MYO3B: variants seen among roughly 807,000 people sequenced by gnomAD.
The protein encoded by MYO3B is myosin-IIIb.
MYO3B carries 156 observed loss-of-function variants against 174.6 expected under a neutral mutation model. That is an observed-to-expected ratio of 0.89 (90% confidence interval 0.78 to 1.02). The LOEUF is 1.02. MYO3B is among the 50% of genes least tolerant of loss of function. The pLI is 0.00. For synonymous variants in MYO3B, 563 were observed against 569.1 expected, an observed-to-expected ratio of 0.99 and a Z score of 0.15; for missense variants, 1,632 against 1,639.4, an observed-to-expected ratio of 1.00 and a Z score of 0.08.
At chr2:170,447,069 G>C (rs1194013899) in intron 23 of MYO3B, among the ~76,000 whole-genome samples, 1 of 152,164 alleles carries the variant, frequency 6.6e-6, no homozygotes, top group African/African-American at 2.4e-5. Flanking sequence ...GTCTTCAGGG[G>C]AGAAGGGAGG....
chr2:170,197,024 T>G (rs943074241), intron 1 of MYO3B, among the ~76,000 whole-genome samples: 11 of 151,894 alleles, frequency 7.2e-5, no homozygotes, highest in African/African-American at 2.4e-4. Context: ...TCAGGTTTTT[T>G]TTTTTTTTTA....
chr2:170,385,993 A>G, intron 12 of MYO3B, 196 bp from the exon 13 acceptor site: 1 of 474,764 alleles, frequency 2.1e-6, no homozygotes, highest in South Asian at 3.4e-5. Context: ...TAAACAGATT[A>G]TGGTACATAT....
At chr2:170,423,560 C>T (rs1460740537) in intron 22 of MYO3B, among the ~76,000 whole-genome samples, 13 of 149,014 alleles carry the variant, frequency 8.7e-5, no homozygotes, top group Admixed American at 3.4e-4. Context: ...TTATTGTTCC[C>T]GGATTTGCAG....
intron 32 of MYO3B, among the ~76,000 whole-genome samples, chr2:170,616,106 A>C (rs1575254282): frequency 1.3e-5 from 2 of 152,348 alleles, no homozygotes; most frequent in South Asian, 4.1e-4. Flanking sequence ...AACAATTGCA[A>C]CAAAAGCTGG....
chr2:170,346,005 T>G (rs1170579606), intron 8 of MYO3B, among the ~76,000 whole-genome samples: 1 of 152,010 alleles, frequency 6.6e-6, no homozygotes, highest in Non-Finnish European at 1.5e-5. Context: ...ACAACAAATG[T>G]CTGTTGTTTA....
Position 170,557,230 on chromosome 2 carries a change from C to T in MYO3B, c.3733+13242C>T, listed in dbSNP as rs183268570. 5.3e-3 allele frequency among the ~76,000 whole-genome samples: 807 copies of T among 151,560 alleles called. 7 individuals are homozygous for T. Among genetic ancestry groups the T allele is most frequent in the Non-Finnish European group, 7.8e-3 (529 of 67,940 alleles). ...TCTCGGCTCACTGCAAGCTCCGCCT[C>T]CTGGGTTCACGCCATTCTTCTGCCT... On this transcript the variant is annotated intron_variant, in intron 32 of 34. Transcript: ENST00000408978.
chr2:170,648,681 T>A (rs1163709922), intron 32 of MYO3B, among the ~76,000 whole-genome samples: 1 of 115,692 alleles, frequency 8.6e-6, no homozygotes, highest in Non-Finnish European at 1.7e-5. Flanking sequence ...ATATAATATA[T>A]ATTATATTCT....
At chr2:170,179,442 A>G (rs1228737846) in intron 1 of MYO3B, among the ~76,000 whole-genome samples, 1 of 152,180 alleles carries the variant, frequency 6.6e-6, no homozygotes, top group Non-Finnish European at 1.5e-5. Context: ...TTGAAATTTA[A>G]TTGCCATTGT....
At chr2:170,543,454 G>A (rs1045656203) in intron 31 of MYO3B, among the ~76,000 whole-genome samples, 1 of 152,160 alleles carries the variant, frequency 6.6e-6, no homozygotes, top group Non-Finnish European at 1.5e-5. Context: ...GTTTTTGCCA[G>A]TAACTCTGCT....
chr2:170,293,544 C>CT (rs2093609700), intron 7 of MYO3B, among the ~76,000 whole-genome samples: 1 of 152,164 alleles, frequency 6.6e-6, no homozygotes. Flanking sequence ...AACCTCTTCT[C>CT]TGTCTGCAAT....
chr2:170,380,975 G>A (rs1403467276), intron 9 of MYO3B, among the ~76,000 whole-genome samples: 1 of 152,152 alleles, frequency 6.6e-6, no homozygotes, highest in African/African-American at 2.4e-5. Context: ...TAAAAAATTA[G>A]CCAGGCACAA....
intron 7 of MYO3B, among the ~76,000 whole-genome samples, chr2:170,304,264 C>G (rs573852198): frequency 6.6e-6 from 1 of 151,938 alleles, no homozygotes; most frequent in Non-Finnish European, 1.5e-5. Context: ...TATGAAAACA[C>G]CATTTTCTTA....
Position 170,653,038 on chromosome 2 carries a change from G to A in MYO3B, c.3943G>A (p.Asp1315Asn). 1 of 1,614,166 alleles carries A rather than the reference G, an allele frequency of 6.2e-7. No homozygotes were observed. Among genetic ancestry groups the A allele is most frequent in the Non-Finnish European group, 8.5e-7 (1 of 1,179,992 alleles). Reference sequence around the variant, plus strand: ...ATATTACAAATCTCTGTCACCAGTGGACTGTATCCCTGAGGAGAACAACTC... The same window carrying A: ...ATATTACAAATCTCTGTCACCAGTGAACTGTATCCCTGAGGAGAACAACTC... The part of the protein sequence containing the change: ...DEYYKSLSPV[D>N]CIPEENNSAH... Residue 1315 changes from aspartate to asparagine, a missense_variant, in exon 35 of 35, where the codon GAC (aspartate) becomes AAC (asparagine). By Grantham distance (23) the Asp-to-Asn change is conservative. Transcript: ENST00000408978.
At chr2:170,398,723 A>C (rs1237168424) in intron 16 of MYO3B, among the ~76,000 whole-genome samples, 1 of 152,208 alleles carries the variant, frequency 6.6e-6, no homozygotes, top group Non-Finnish European at 1.5e-5. Flanking sequence ...AACTGGGAGC[A>C]AAGAACAAAT....
intron 25 of MYO3B, among the ~76,000 whole-genome samples, chr2:170,483,392 T>C (rs1182422408): frequency 9.5e-6 from 1 of 105,686 alleles, no homozygotes; most frequent in East Asian, 2.5e-4. Context: ...TTTTTTTTTT[T>C]TTTTTTTTTT....
At chr2:170,647,469 G>A (rs182852513) in intron 32 of MYO3B, among the ~76,000 whole-genome samples, 16 of 152,160 alleles carry the variant, frequency 1.1e-4, no homozygotes, top group Admixed American at 1.3e-4. Flanking sequence ...CTATTTATTC[G>A]GTTGCTTACA....
Position 170,398,410 on chromosome 2 carries a change from C to T in MYO3B, c.1792-1778C>T, listed in dbSNP as rs569314492. ...GAATCTCATCATTTAGGGGTTTTTACGGAGGTTCCATTATATTCACATGAT... is the reference window on the plus strand; with the variant it reads ...GAATCTCATCATTTAGGGGTTTTTATGGAGGTTCCATTATATTCACATGAT... On this transcript the variant is annotated intron_variant, in intron 16 of 34. Coordinates refer to ENST00000408978, the MANE Select transcript of MYO3B (RefSeq NM_138995.5). Among the ~76,000 whole-genome samples the T allele has an allele frequency of 3.3e-5, 5 of 152,154 alleles. No homozygotes were observed. The East Asian group carries it at 5.8e-4, about 18-fold the overall frequency.
intron 7 of MYO3B, among the ~76,000 whole-genome samples, chr2:170,269,427 TC>T (rs2093410849): frequency 1.3e-5 from 2 of 152,274 alleles, no homozygotes; most frequent in African/African-American, 4.8e-5. Context: ...CCATTTTTTT[TC>T]CCCACCTATC....
intron 32 of MYO3B, among the ~76,000 whole-genome samples, chr2:170,557,146 T>A (rs199661884): frequency 3.4e-5 from 4 of 116,454 alleles, no homozygotes; most frequent in African/African-American, 4.0e-5. Flanking sequence ...ATTTTTATTT[T>A]TATTTTTTTT....
Sources: gnomAD v4.1 joint callset for allele counts (sites outside exome capture counted in the v4.1 genomes callset) on GRCh38, gnomAD v4.1.1 for gene constraint, MANE v1.5 for transcripts, NCBI Gene and HGNC (gene_info 2026-07-23, HGNC 2026-07-21) for gene names.